DIRAS2: variants seen among roughly 807,000 people sequenced by gnomAD.
DIRAS2 encodes the protein DIRAS family GTPase 2.
In DIRAS2, 5 loss-of-function variants were observed where a neutral mutation model predicts 13.9. That is an observed-to-expected ratio of 0.36 (90% CI 0.19 to 0.76). DIRAS2 has a LOEUF of 0.76. Among genes scored for constraint, DIRAS2 ranks in the 30% least tolerant of loss-of-function variants. The pLI is 0.53. For missense variants in DIRAS2, 191 were observed against 263.0 expected, an observed-to-expected ratio of 0.73 and a Z score of 1.89; for synonymous variants, 111 against 105.4, an observed-to-expected ratio of 1.05 and a Z score of -0.33.
intron 1 of DIRAS2, among the ~76,000 whole-genome samples, chr9:90,629,219 A>G (rs530840824): frequency 6.6e-6 from 1 of 152,370 alleles, no homozygotes; most frequent in South Asian, 2.1e-4. Context: ...TACAAATACA[A>G]AATTACATAT....
chr9:90,627,105 C>T (rs1825277089), intron 1 of DIRAS2, among the ~76,000 whole-genome samples: 1 of 152,128 alleles, frequency 6.6e-6, no homozygotes, highest in Non-Finnish European at 1.5e-5. Flanking sequence ...TCCCCACACC[C>T]CCAACTTGCA....
chr9:90,634,284 C>T (rs146059822), intron 1 of DIRAS2, among the ~76,000 whole-genome samples: 40 of 152,258 alleles, frequency 2.6e-4, no homozygotes, highest in Non-Finnish European at 4.4e-4. Context: ...GAGTGAAGAA[C>T]AATTTCCAGG....
At chr9:90,620,003 G>C (rs58772464) in intron 1 of DIRAS2, among the ~76,000 whole-genome samples, 5 of 152,218 alleles carry the variant, frequency 3.3e-5, no homozygotes, top group African/African-American at 1.2e-4. Flanking sequence ...TATACAGAAA[G>C]GGTATTTGTG....
At chr9:90,624,717 CTT>C (rs374652493) in intron 1 of DIRAS2, among the ~76,000 whole-genome samples, 32 of 147,780 alleles carry the variant, frequency 2.2e-4, no homozygotes, top group Non-Finnish European at 3.6e-4. Flanking sequence ...CTTAATGACA[CTT>C]TTTTTTTTTT....
intron 1 of DIRAS2, among the ~76,000 whole-genome samples, chr9:90,628,717 T>C (rs771898523): frequency 1.3e-5 from 2 of 152,216 alleles, no homozygotes; most frequent in South Asian, 4.2e-4. Context: ...GGCTCACTTT[T>C]TGTATTTTTT....
At position 90,612,505 on chromosome 9, in the gene DIRAS2, C is replaced by T. The variant is rs1435978808; in HGVS notation, c.*723G>A. 6 of 152,266 alleles carry T rather than the reference C, an allele frequency of 3.9e-5. No individual in the cohort carries two copies. The highest frequency in any genetic ancestry group is 3.3e-4 in the Admixed American group (5 of 15,284). 9.4% of individuals were successfully genotyped at this position (152,266 alleles called of 1,614,324 possible). ...TTATTGCGATGTTTTAATACTGTCA[C>T]GATATCCTCACTTAAAAACTGAAGA... is the stretch of plus-strand genomic sequence containing the variant. On this transcript the variant is annotated 3_prime_UTR_variant, in exon 2 of 2. Coordinates refer to ENST00000375765, the MANE Select transcript of DIRAS2 (RefSeq NM_017594.5).
intron 1 of DIRAS2, among the ~76,000 whole-genome samples, chr9:90,639,251 A>C (rs1825397428): frequency 6.6e-6 from 1 of 152,196 alleles, no homozygotes; most frequent in South Asian, 2.1e-4. Flanking sequence ...ACATATTTTC[A>C]TTAAGGTCAT....
intron 1 of DIRAS2, among the ~76,000 whole-genome samples, chr9:90,628,182 T>A (rs1587724376): frequency 1.3e-5 from 2 of 152,320 alleles, no homozygotes; most frequent in East Asian, 1.9e-4. Context: ...GCCATCACTA[T>A]TAGCCACGGC....
Position 90,610,379 on chromosome 9 carries a change from G to C in DIRAS2, c.*2849C>G. 1 of 398,830 alleles carries C rather than the reference G, an allele frequency of 2.5e-6. No individual in the cohort carries two copies. Among genetic ancestry groups the C allele is most frequent in the Non-Finnish European group, 4.4e-6 (1 of 226,036 alleles). 24.7% of individuals were successfully genotyped at this position (398,830 alleles called of 1,614,324 possible). A position where few individuals can be genotyped will look rare whatever the true frequency, so the allele number is the denominator to read the frequency against. On this transcript the variant is annotated 3_prime_UTR_variant, in exon 2 of 2. Transcript: ENST00000375765. ...TAGATAGAATGAACAATTCAATATT[G>C]CTCTTGTGTTGGTCTTGCTGCATTG...
chr9:90,625,635 G>C (rs1825261540), intron 1 of DIRAS2, among the ~76,000 whole-genome samples: 1 of 152,186 alleles, frequency 6.6e-6, no homozygotes, highest in Non-Finnish European at 1.5e-5. Context: ...CTATAAAGGT[G>C]AGTTTATTTC....
At chr9:90,635,408 C>T (rs914162015) in intron 1 of DIRAS2, among the ~76,000 whole-genome samples, 2 of 152,136 alleles carry the variant, frequency 1.3e-5, no homozygotes, top group Admixed American at 6.5e-5. Flanking sequence ...TAAAATATTG[C>T]GAAGCAACTT....
chr9:90,610,532 T>C lies in DIRAS2; in HGVS notation c.*2696A>G. The C allele has an allele frequency of 2.5e-6, 1 of 398,152 alleles. No individual in the cohort carries two copies. Among genetic ancestry groups the C allele is most frequent in the Non-Finnish European group, 4.4e-6 (1 of 225,724 alleles). 24.7% of individuals were successfully genotyped at this position (398,152 alleles called of 1,614,324 possible). On this transcript the variant is annotated 3_prime_UTR_variant, in exon 2 of 2. Transcript: ENST00000375765. ...AATATTTAATTAAATATTAACTTAT[T>C]CTGCCTGGGTCAAAAACTGCTATGC...
chr9:90,627,002 T>C (rs1825275732), intron 1 of DIRAS2, among the ~76,000 whole-genome samples: 1 of 152,050 alleles, frequency 6.6e-6, no homozygotes, highest in Non-Finnish European at 1.5e-5. Flanking sequence ...GTTTGGATCA[T>C]GGGGGCAGAT....
In DIRAS2 at chr9:90,613,932, T is replaced by C. The variant is rs772135557; in HGVS notation, c.-36-69A>G. On this transcript the variant is annotated intron_variant, in intron 1 of 1. Coordinates refer to ENST00000375765, the MANE Select transcript of DIRAS2 (RefSeq NM_017594.5). The surrounding 1 kb of genome is among the most constrained non-coding windows in gnomAD (Gnocchi z 5.6). ...ATAAAAACATTAATAAGGATAGCTC[T>C]ACCCTCTTTTGATAGCTTAAAAATG... 3.1e-5 allele frequency: 42 copies of C among 1,351,910 alleles called. No homozygotes were observed. Among genetic ancestry groups the C allele is most frequent in the Non-Finnish European group, 4.2e-5 (42 of 1,006,330 alleles). The allele number at this position is 1,351,910 out of a possible 1,614,324, so 83.7% of individuals were successfully genotyped here. A position where few individuals can be genotyped will look rare whatever the true frequency, so the allele number is the denominator to read the frequency against.
At chr9:90,628,907 T>C (rs1017620819) in intron 1 of DIRAS2, among the ~76,000 whole-genome samples, 2 of 151,416 alleles carry the variant, frequency 1.3e-5, no homozygotes, top group Non-Finnish European at 2.9e-5. Context: ...CAGGCTGGAG[T>C]GCAGTGGCGC....
intron 1 of DIRAS2, among the ~76,000 whole-genome samples, chr9:90,629,972 G>A (rs1825308846): frequency 6.6e-6 from 1 of 152,080 alleles, no homozygotes; most frequent in Non-Finnish European, 1.5e-5. Flanking sequence ...ATAAACCTCA[G>A]CTCATTTATG....
intron 1 of DIRAS2, among the ~76,000 whole-genome samples, chr9:90,617,828 A>C (rs777335115): frequency 9.2e-5 from 14 of 152,264 alleles, no homozygotes; most frequent in Non-Finnish European, 1.5e-4. Flanking sequence ...TCAATTTATA[A>C]TAGCATCAAA....
At chr9:90,620,831 G>C (rs930866785) in intron 1 of DIRAS2, among the ~76,000 whole-genome samples, 1 of 152,072 alleles carries the variant, frequency 6.6e-6, no homozygotes, top group Admixed American at 6.6e-5. Context: ...GTGGCCTGCT[G>C]GGTGCTGGAA....
chr9:90,632,019 A>T (rs1458970524), intron 1 of DIRAS2, among the ~76,000 whole-genome samples: 1 of 151,586 alleles, frequency 6.6e-6, no homozygotes, highest in Non-Finnish European at 1.5e-5. Context: ...TATCTTCCAA[A>T]CTCTTCCAGA....
Sources: gnomAD v4.1 joint callset for allele counts (sites outside exome capture counted in the v4.1 genomes callset) on GRCh38, gnomAD v4.1.1 for gene constraint, Gnocchi (gnomAD v3.1) non-coding constraint, MANE v1.5 for transcripts, NCBI Gene and HGNC (gene_info 2026-07-23, HGNC 2026-07-21) for gene names.